The following ESRRG variants were observed in gnomAD, a reference collection of about 807,000 sequenced individuals.
ESRRG encodes the protein estrogen-related receptor gamma.
Under a neutral mutation model 44.0 loss-of-function variants are expected in ESRRG, and 13 were observed. The observed-to-expected ratio is 0.30, with a 90% CI of 0.19 to 0.47. The LOEUF (loss-of-function observed/expected upper bound fraction) is 0.47, where lower values mean the gene tolerates loss of function less well. ESRRG is among the 20% of genes least tolerant of loss of function. The pLI, the probability that ESRRG is intolerant of heterozygous loss-of-function variation, is 1.00. For synonymous variants in ESRRG, 215 were observed against 214.6 expected (o/e 1.00, Z -0.02); for missense variants, 395 against 580.6 (o/e 0.68, Z 3.29).
At chr1:216,528,825 C>T (rs1168820063) in intron 5 of ESRRG, among the ~76,000 whole-genome samples, 1 of 152,042 alleles carries the variant, frequency 6.6e-6, no homozygotes, top group Non-Finnish European at 1.5e-5. Context: ...AAAATGCATA[C>T]ATAAGGCGTC....
chr1:216,593,935 G>A (rs538214085), intron 3 of ESRRG, among the ~76,000 whole-genome samples: 1 of 152,222 alleles, frequency 6.6e-6, no homozygotes, highest in South Asian at 2.1e-4. Flanking sequence ...GTCTCATTGT[G>A]TTGCCCAGGC....
intron 2 of ESRRG, among the ~76,000 whole-genome samples, chr1:216,783,900 A>G (rs915790955): frequency 5.3e-5 from 8 of 152,098 alleles, no homozygotes; most frequent in Non-Finnish European, 1.0e-4. Context: ...GAATTAGAAT[A>G]AAAAGAATAC....
Position 216,519,437 on chromosome 1 carries a change from G to A in ESRRG, c.863-16C>T, listed in dbSNP as rs1572138854. 1 of 1,591,366 alleles carries A rather than the reference G, an allele frequency of 6.3e-7. No individual in the cohort carries two copies. The highest frequency in any genetic ancestry group is 2.2e-5 in the East Asian group (1 of 44,796). ...GTGGAGAAGCCTGCATGGAAAGATGGGCAGATCAAGTTACTTTAAAGCCAT... is the reference window on the plus strand; with the variant it reads ...GTGGAGAAGCCTGCATGGAAAGATGAGCAGATCAAGTTACTTTAAAGCCAT... On this transcript the variant is annotated splice_polypyrimidine_tract_variant and intron_variant, in intron 5 of 6. Coordinates refer to ENST00000408911, the MANE Select transcript of ESRRG (RefSeq NM_001438.4).
At chr1:216,567,415 A>T (rs1231816920) in intron 4 of ESRRG, among the ~76,000 whole-genome samples, 1 of 152,194 alleles carries the variant, frequency 6.6e-6, no homozygotes, top group East Asian at 1.9e-4. Flanking sequence ...CATACCGTCC[A>T]TAAGGGCATC....
At chr1:216,552,641 T>C (rs10495029) in intron 5 of ESRRG, among the ~76,000 whole-genome samples, 49,918 of 151,996 alleles carry the variant, frequency 0.33, 8,509 homozygotes, top group Admixed American at 0.42. Flanking sequence ...AAGATTTGAA[T>C]GAGGGTCTCT....
At chr1:216,699,146 C>A (rs73092169) in intron 1 of ESRRG, among the ~76,000 whole-genome samples, 1,811 of 152,262 alleles carry the variant, frequency 0.012, 28 homozygotes, top group African/African-American at 0.041. Context: ...ATATCTGCCA[C>A]AAGAAAACAA....
At chr1:216,981,572 C>T (rs1268043285) in intron 1 of ESRRG, among the ~76,000 whole-genome samples, 3 of 152,040 alleles carry the variant, frequency 2.0e-5, no homozygotes, top group East Asian at 1.9e-4. Flanking sequence ...TAATACTGCT[C>T]ATCTATACAT....
intron 2 of ESRRG, among the ~76,000 whole-genome samples, chr1:216,892,949 G>A (rs2057998005): frequency 6.6e-6 from 1 of 152,044 alleles, no homozygotes; most frequent in Non-Finnish European, 1.5e-5. Flanking sequence ...AGGTTACCGT[G>A]ATCAGTCATT....
intron 2 of ESRRG, among the ~76,000 whole-genome samples, chr1:216,819,633 C>CT (rs910014024): frequency 1.1e-3 from 167 of 148,262 alleles, no homozygotes; most frequent in African/African-American, 3.4e-3. Flanking sequence ...GTATTTAGTA[C>CT]TTTTTTTTTT....
At chr1:216,811,327 C>A (rs1380914579) in intron 2 of ESRRG, among the ~76,000 whole-genome samples, 1 of 151,954 alleles carries the variant, frequency 6.6e-6, no homozygotes, top group East Asian at 1.9e-4. Context: ...TTGTAATGGG[C>A]TACAGCACAC....
At chr1:216,778,742 C>A (rs1049678253) in intron 2 of ESRRG, among the ~76,000 whole-genome samples, 1 of 151,970 alleles carries the variant, frequency 6.6e-6, no homozygotes, top group African/African-American at 2.4e-5. Flanking sequence ...AAGCCTTCCT[C>A]TACTTTTGAG....
chr1:216,717,358 G>C (rs2152030671), intron 1 of ESRRG, among the ~76,000 whole-genome samples: 1 of 151,890 alleles, frequency 6.6e-6, no homozygotes, highest in Non-Finnish European at 1.5e-5. Context: ...TATTTTATTA[G>C]CTTAGGTTTC....
At chr1:217,095,248 G>T (rs1268683967) in intron 1 of ESRRG, among the ~76,000 whole-genome samples, 1 of 152,222 alleles carries the variant, frequency 6.6e-6, no homozygotes, top group Non-Finnish European at 1.5e-5. Flanking sequence ...TATTCAGAAT[G>T]ATGGCCTTGA....
intron 1 of ESRRG, among the ~76,000 whole-genome samples, chr1:217,122,969 G>C (rs1282398066): frequency 6.6e-6 from 1 of 151,998 alleles, no homozygotes; most frequent in African/African-American, 2.4e-5. Context: ...TGAGATTATA[G>C]GCGTGAGCCA....
chr1:216,527,873 G>C (rs1033023265), intron 5 of ESRRG, among the ~76,000 whole-genome samples: 5 of 152,118 alleles, frequency 3.3e-5, no homozygotes, highest in Admixed American at 6.6e-5. Context: ...TAAGGGAGTG[G>C]ATGTGAAGAT....
At chr1:217,031,181 C>A (rs1444483359) in intron 1 of ESRRG, among the ~76,000 whole-genome samples, 1 of 152,186 alleles carries the variant, frequency 6.6e-6, no homozygotes, top group Non-Finnish European at 1.5e-5. Flanking sequence ...CATGTGTGAC[C>A]AGTGAAGTCT....
intron 3 of ESRRG, among the ~76,000 whole-genome samples, chr1:216,640,838 T>C (rs1040075931): frequency 1.3e-5 from 2 of 152,110 alleles, no homozygotes; most frequent in East Asian, 3.9e-4. Flanking sequence ...GGAACAAAAA[T>C]CTGTTGTTTG....
chr1:216,638,267 T>G (rs2065702986), intron 3 of ESRRG, among the ~76,000 whole-genome samples: 1 of 152,220 alleles, frequency 6.6e-6, no homozygotes. Flanking sequence ...CTCTGATGTA[T>G]GTATAATTAC....
intron 3 of ESRRG, among the ~76,000 whole-genome samples, chr1:216,633,519 T>C (rs2064681379): frequency 6.6e-6 from 1 of 152,234 alleles, no homozygotes; most frequent in African/African-American, 2.4e-5. Flanking sequence ...ATAGATATTA[T>C]GTACACAATG....
Sources: gnomAD v4.1 joint callset for allele counts (sites outside exome capture counted in the v4.1 genomes callset) on GRCh38, gnomAD v4.1.1 for gene constraint, MANE v1.5 for transcripts, NCBI Gene and HGNC (gene_info 2026-07-23, HGNC 2026-07-21) for gene names.